NPSR1: variants seen among roughly 807,000 people sequenced by gnomAD.
NPSR1 encodes the protein neuropeptide S receptor 1.
Under a neutral mutation model 46.9 loss-of-function variants are expected in NPSR1, and 48 were observed. The observed-to-expected ratio is 1.02, with a 90% CI of 0.81 to 1.30. NPSR1 has a LOEUF of 1.30. Among genes scored for constraint, NPSR1 ranks in the 50% most tolerant of loss-of-function variants. The probability of loss-of-function intolerance (pLI) is 0.00; values close to 1 mark genes in which losing one functional copy is unlikely to be tolerated. For missense variants in NPSR1, 450 were observed against 449.5 expected, an observed-to-expected ratio of 1.00 and a Z score of -0.01; for synonymous variants, 176 against 168.1, an observed-to-expected ratio of 1.05 and a Z score of -0.36.
chr7:34,874,603 G>T (rs1365844642), intron 8 of NPSR1, among the ~76,000 whole-genome samples: 3 of 152,196 alleles, frequency 2.0e-5, no homozygotes, highest in Admixed American at 2.0e-4. Flanking sequence ...AGACCATCTT[G>T]TCTTATTGCT....
At chr7:34,845,567 G>A (rs756587758) in intron 7 of NPSR1, 13 of 455,274 alleles carry the variant, frequency 2.9e-5, no homozygotes, top group Non-Finnish European at 5.3e-5. Context: ...CCCCAACAAC[G>A]CCACCTCCCT....
At chr7:34,856,846 G>A (rs1201397228) in intron 8 of NPSR1, among the ~76,000 whole-genome samples, 1 of 151,530 alleles carries the variant, frequency 6.6e-6, no homozygotes, top group African/African-American at 2.4e-5. Context: ...GCAGGAGGAG[G>A]GAGAGGAGAA....
At chr7:34,750,266 C>T (rs990702652) in intron 2 of NPSR1, 32 of 669,396 alleles carry the variant, frequency 4.8e-5, no homozygotes, top group Middle Eastern at 7.8e-4. Context: ...TCTGTGCCTG[C>T]GAGCTGATGC....
At chr7:34,678,201 T>C (rs946874810) in intron 1 of NPSR1, among the ~76,000 whole-genome samples, 2 of 149,688 alleles carry the variant, frequency 1.3e-5, no homozygotes, top group Admixed American at 6.7e-5. Context: ...CTGGATATGA[T>C]ACAAGGCTTT....
At chr7:34,769,664 A>G (rs1425505941) in intron 2 of NPSR1, among the ~76,000 whole-genome samples, 1 of 152,136 alleles carries the variant, frequency 6.6e-6, no homozygotes, top group Non-Finnish European at 1.5e-5. Flanking sequence ...CACCTGACCA[A>G]TCCTCACTGA....
At chr7:34,850,085 A>C, downstream of NPSR1, 1 of 733,504 alleles carries the variant, frequency 1.4e-6, no homozygotes, top group Non-Finnish European at 1.7e-6. Flanking sequence ...CCAGTTTTGG[A>C]TTGGAGGTTC....
At position 34,810,138 on chromosome 7, in the gene NPSR1, A is replaced by G. The variant is rs541746334; in HGVS notation, c.385-1632A>G. Among the ~76,000 whole-genome samples the G allele has an allele frequency of 7.9e-5, 12 of 152,334 alleles. No individual in the cohort carries two copies. In the East Asian group the frequency reaches 2.3e-3, roughly 29 times the overall value. ...CCAGAGAAAGAACAAAAAGGCACGA[A>G]TTCAGAACAAAGATAACTGCCAAGA... On this transcript the variant is annotated intron_variant, in intron 3 of 8. Coordinates refer to ENST00000360581, the MANE Select transcript of NPSR1 (RefSeq NM_207172.2).
intron 3 of NPSR1, among the ~76,000 whole-genome samples, chr7:34,795,924 C>T (rs1267690931): frequency 6.6e-6 from 1 of 152,030 alleles, no homozygotes; most frequent in Non-Finnish European, 1.5e-5. Context: ...ATGTGAAAGA[C>T]AAAACATGCA....
chr7:34,790,592 C>T (rs1228881475), intron 3 of NPSR1, among the ~76,000 whole-genome samples: 1 of 149,002 alleles, frequency 6.7e-6, no homozygotes, highest in Non-Finnish European at 1.5e-5. Flanking sequence ...CTTAAATTTT[C>T]TGTTTGAAGA....
chr7:34,673,807 T>G (rs1364159540), intron 1 of NPSR1, among the ~76,000 whole-genome samples: 18 of 152,316 alleles, frequency 1.2e-4, no homozygotes, highest in Non-Finnish European at 1.5e-5. Flanking sequence ...TACTTTTTTG[T>G]GAATATTTAA....
intron 1 of NPSR1, among the ~76,000 whole-genome samples, chr7:34,678,853 A>G (rs1343966456): frequency 6.6e-6 from 1 of 152,078 alleles, no homozygotes; most frequent in Non-Finnish European, 1.5e-5. Flanking sequence ...AAAAAAAAAG[A>G]AATTCTTATA....
intron 2 of NPSR1, among the ~76,000 whole-genome samples, chr7:34,696,020 C>A (rs979785261): frequency 2.1e-5 from 3 of 145,662 alleles, no homozygotes; most frequent in Non-Finnish European, 4.5e-5. Context: ...CATTGCAGCA[C>A]TATTCACACT....
At chr7:34,841,108 C>A (rs1790547961) in intron 6 of NPSR1, among the ~76,000 whole-genome samples, 1 of 152,204 alleles carries the variant, frequency 6.6e-6, no homozygotes, top group Non-Finnish European at 1.5e-5. Flanking sequence ...ACCTAACATA[C>A]ACAAAGTTTC....
chr7:34,669,425 T>C (rs1329424459), intron 1 of NPSR1, among the ~76,000 whole-genome samples: 1 of 151,964 alleles, frequency 6.6e-6, no homozygotes, highest in African/African-American at 2.4e-5. Flanking sequence ...TAGCCAGGCG[T>C]GGTGGCAGGT....
Position 34,804,841 on chromosome 7 carries a change from T to C in NPSR1, c.385-6929T>C, listed in dbSNP as rs182699938. Reference sequence around the variant, plus strand: ...CTTCCAGACCTAGTAGGCAAAAAAATGGCAACACTGAAGAATAGAAGGTTA... The same window carrying C: ...CTTCCAGACCTAGTAGGCAAAAAAACGGCAACACTGAAGAATAGAAGGTTA... On this transcript the variant is annotated intron_variant, in intron 3 of 8. Coordinates refer to ENST00000360581, the MANE Select transcript of NPSR1 (RefSeq NM_207172.2). Among the ~76,000 whole-genome samples the C allele has an allele frequency of 1.9e-3, 295 of 151,770 alleles. 1 individual carries two copies. Among genetic ancestry groups the C allele is most frequent in the Non-Finnish European group, 2.8e-3 (190 of 67,804 alleles).
intron 4 of NPSR1, among the ~76,000 whole-genome samples, chr7:34,812,088 T>C (rs1789013107): frequency 6.6e-6 from 1 of 152,098 alleles, no homozygotes; most frequent in Non-Finnish European, 1.5e-5. Flanking sequence ...TGCCGATGGT[T>C]CCCATGGACA....
intron 2 of NPSR1, chr7:34,751,851 T>C (rs1048857900): frequency 3.1e-4 from 489 of 1,580,242 alleles, no homozygotes; most frequent in Admixed American, 3.3e-4. Context: ...CTGCCACCTC[T>C]TTGAATGGGA....
intron 2 of NPSR1, among the ~76,000 whole-genome samples, chr7:34,754,238 A>G (rs1785697577): frequency 6.6e-6 from 1 of 152,102 alleles, no homozygotes; most frequent in South Asian, 2.1e-4. Context: ...ATAAGACAAG[A>G]AATACAATAT....
At chr7:34,663,537 C>T (rs1392215173) in intron 1 of NPSR1, among the ~76,000 whole-genome samples, 2 of 152,154 alleles carry the variant, frequency 1.3e-5, no homozygotes, top group African/African-American at 4.8e-5. Flanking sequence ...CCTCAGCGCC[C>T]TTCCAATCCT....
Sources: allele counts gnomAD v4.1 joint callset (sites outside exome capture counted in the v4.1 genomes callset), GRCh38; gene constraint gnomAD v4.1.1; transcripts MANE v1.5; gene names NCBI Gene and HGNC (gene_info 2026-07-23, HGNC 2026-07-21).